Variants in UMAD1 observed in about 807,000 individuals in gnomAD.
UMAD1 encodes the protein UBAP1-MVB12-associated (UMA)-domain containing protein 1.
A neutral mutation model predicts 6.1 loss-of-function variants in UMAD1; 8 were observed. That is an observed-to-expected ratio of 1.30 (90% CI 0.76 to 2.35). The LOEUF is 2.35. Among genes scored for constraint, UMAD1 ranks in the 30% most tolerant of loss-of-function variants. The pLI is 0.00. For missense variants in UMAD1, 130 were observed against 78.4 expected, an observed-to-expected ratio of 1.66 and a Z score of -2.49; for synonymous variants, 56 against 31.4, an observed-to-expected ratio of 1.78 and a Z score of -2.61.
Position 7,765,353 on chromosome 7 carries a change from A to G in UMAD1, c.83-36317A>G, listed in dbSNP as rs149611231. 6.8e-4 allele frequency among the ~76,000 whole-genome samples: 103 copies of G among 152,256 alleles called. 2 individuals are homozygous for G. The East Asian group carries it at 0.014, about 21-fold the overall frequency. ...GCTTAAAAACAATAATATTTAATCA[A>G]TCATACCATAGCTTCAGAAACCATT... On this transcript the variant is annotated intron_variant, in intron 2 of 3. Coordinates refer to ENST00000682710, the MANE Select transcript of UMAD1 (RefSeq NM_001302348.2).
intron 1 of UMAD1, among the ~76,000 whole-genome samples, chr7:7,650,723 T>G (rs1399285507): frequency 1.3e-5 from 2 of 152,226 alleles, no homozygotes; most frequent in East Asian, 3.8e-4. Flanking sequence ...ATCCAGCCAT[T>G]CTGCATCCTG....
rs577126214 is a variant in UMAD1, at chr7:7,718,112, T to G, written c.82+44659T>G. On this transcript the variant is annotated intron_variant, in intron 2 of 3. Coordinates refer to ENST00000682710, the MANE Select transcript of UMAD1 (RefSeq NM_001302348.2). ...CTTCACATTGTTGTATAATAAGTTATAAATTTTAGATCAGATAAGAAAGTA... is the reference window on the plus strand; with the variant it reads ...CTTCACATTGTTGTATAATAAGTTAGAAATTTTAGATCAGATAAGAAAGTA... Among the ~76,000 whole-genome samples, 7 of 152,326 alleles carry G rather than the reference T, an allele frequency of 4.6e-5. 1 individual carries two copies. The highest frequency in any genetic ancestry group is 1.7e-4 in the African/African-American group (7 of 41,570).
intron 2 of UMAD1, among the ~76,000 whole-genome samples, chr7:7,791,020 G>T (rs990162362): frequency 6.6e-6 from 1 of 152,062 alleles, no homozygotes; most frequent in East Asian, 1.9e-4. Flanking sequence ...CCCCCAAGTA[G>T]CTGGGACCAG....
intron 2 of UMAD1, chr7:7,742,219 C>G: frequency 2.9e-6 from 2 of 681,936 alleles, no homozygotes; most frequent in Non-Finnish European, 5.5e-6. Context: ...TCTTCACAGC[C>G]TGTTTGATCT....
intron 3 of UMAD1, among the ~76,000 whole-genome samples, chr7:7,846,074 G>C (rs10276305): frequency 3.9e-5 from 6 of 152,060 alleles, no homozygotes; most frequent in Non-Finnish European, 8.8e-5. Flanking sequence ...CTTAAGAACA[G>C]TGTCGAGTAG....
intron 3 of UMAD1, among the ~76,000 whole-genome samples, chr7:7,865,421 C>T (rs1356836905): frequency 6.6e-6 from 1 of 152,088 alleles, no homozygotes. Flanking sequence ...TGACTAAAAA[C>T]AATATAGACC....
At chr7:7,859,615 A>G (rs1784078171) in intron 3 of UMAD1, among the ~76,000 whole-genome samples, 1 of 152,230 alleles carries the variant, frequency 6.6e-6, no homozygotes, top group African/African-American at 2.4e-5. Flanking sequence ...ATTGAAACCC[A>G]GAAAGGTTAA....
chr7:7,731,681 A>T (rs575850300), intron 2 of UMAD1, among the ~76,000 whole-genome samples: 564 of 152,156 alleles, frequency 3.7e-3, no homozygotes, highest in Middle Eastern at 6.8e-3. Flanking sequence ...TTTCAGAAAA[A>T]TTTTTTTTAA....
chr7:7,673,308 GGTAGCAGCA>G lies in UMAD1; in HGVS notation c.-62_-54del. 4 of 1,050,990 alleles carry G rather than the reference GGTAGCAGCA, an allele frequency of 3.8e-6. No homozygotes were observed. The South Asian group carries it at 5.7e-5, about 15-fold the overall frequency. 65.1% of individuals were successfully genotyped at this position (1,050,990 alleles called of 1,614,324 possible). ...GACATTGTGTAATGTTTCTATTTCAGGTAGCAGCAGCAGCAGCAGCAGCAGCAGCAGCAG... is the reference window on the plus strand; with the variant it reads ...GACATTGTGTAATGTTTCTATTTCAGGCAGCAGCAGCAGCAGCAGCAGCAG... On this transcript the variant is annotated splice_region_variant and 5_prime_UTR_variant, in exon 2 of 4. Transcript: ENST00000682710.
chr7:7,779,859 G>T (rs949640571), intron 2 of UMAD1, among the ~76,000 whole-genome samples: 9 of 152,110 alleles, frequency 5.9e-5, no homozygotes, highest in Non-Finnish European at 2.9e-5. Context: ...GCCCAGGCTG[G>T]TCTCAAACTC....
intron 3 of UMAD1, among the ~76,000 whole-genome samples, chr7:7,805,874 T>C (rs1473466549): frequency 6.6e-6 from 1 of 151,038 alleles, no homozygotes; most frequent in African/African-American, 2.4e-5. Context: ...TCTTATTTTC[T>C]CCATTACACT....
At chr7:7,806,804 A>T (rs1041331535) in intron 3 of UMAD1, among the ~76,000 whole-genome samples, 10 of 152,176 alleles carry the variant, frequency 6.6e-5, no homozygotes, top group Admixed American at 2.6e-4. Flanking sequence ...GCCTCTAATT[A>T]TTTTAATTTT....
intron 2 of UMAD1, among the ~76,000 whole-genome samples, chr7:7,777,141 T>A (rs73354578): frequency 0.083 from 12,560 of 152,202 alleles, 1,165 homozygotes; most frequent in African/African-American, 0.23. Flanking sequence ...TTGTATTATA[T>A]GACTGTACCA....
intron 3 of UMAD1, among the ~76,000 whole-genome samples, chr7:7,806,143 T>G (rs1466829216): frequency 1.3e-5 from 2 of 152,166 alleles, no homozygotes; most frequent in Non-Finnish European, 2.9e-5. Flanking sequence ...ATCTTCCAAA[T>G]GTGGTTTCTC....
chr7:7,865,206 A>G (rs534319840), intron 3 of UMAD1, among the ~76,000 whole-genome samples: 1 of 152,368 alleles, frequency 6.6e-6, no homozygotes, highest in South Asian at 2.1e-4. Flanking sequence ...GTCAGTCAAA[A>G]GTACCTGTGA....
chr7:7,720,673 GC>G (rs1441219016), intron 2 of UMAD1, among the ~76,000 whole-genome samples: 1 of 152,090 alleles, frequency 6.6e-6, no homozygotes, highest in African/African-American at 2.4e-5. Context: ...TGTAGAAGAA[GC>G]CAATTTGTTT....
At chr7:7,680,487 T>C (rs10265028) in intron 2 of UMAD1, among the ~76,000 whole-genome samples, 3 of 152,280 alleles carry the variant, frequency 2.0e-5, no homozygotes, top group Admixed American at 2.0e-4. Context: ...CGTCTAATTT[T>C]GTTGTTTTTG....
chr7:7,776,598 T>G (rs1054606190), intron 2 of UMAD1, among the ~76,000 whole-genome samples: 10 of 152,210 alleles, frequency 6.6e-5, no homozygotes, highest in Non-Finnish European at 1.2e-4. Context: ...TATTGTATTC[T>G]CTAATGTGAA....
At chr7:7,665,857 G>A (rs527387024) in intron 1 of UMAD1, among the ~76,000 whole-genome samples, 3 of 150,034 alleles carry the variant, frequency 2.0e-5, no homozygotes, top group Non-Finnish European at 4.4e-5. Flanking sequence ...GCATGTTGTA[G>A]CATGTATCAC....
Sources: allele counts gnomAD v4.1 joint callset (sites outside exome capture counted in the v4.1 genomes callset), GRCh38; gene constraint gnomAD v4.1.1; transcripts MANE v1.5; gene names NCBI Gene and HGNC (gene_info 2026-07-23, HGNC 2026-07-21).